Variants in CHI3L2 observed in about 807,000 individuals in gnomAD.
The protein encoded by CHI3L2 is chitinase-3-like protein 2.
CHI3L2 carries 47 observed loss-of-function variants against 47.3 expected under a neutral mutation model. The ratio of observed to expected loss-of-function variants is 0.99; its 90% CI spans 0.79 to 1.27. The LOEUF (loss-of-function observed/expected upper bound fraction) is 1.27, where lower values mean the gene tolerates loss of function less well. Among genes scored for constraint, CHI3L2 ranks in the 50% most tolerant of loss-of-function variants. CHI3L2 has a pLI of 0.00. For synonymous variants in CHI3L2, 198 were observed against 169.9 expected, an observed-to-expected ratio of 1.17 and a Z score of -1.28; for missense variants, 497 against 462.1, an observed-to-expected ratio of 1.08 and a Z score of -0.69.
chr1:111,234,950 A>G lies in CHI3L2; in HGVS notation c.373A>G (p.Ile125Val). The G allele has an allele frequency of 1.2e-6, 2 of 1,614,166 alleles. No individual in the cohort carries two copies. The highest frequency in any genetic ancestry group is 1.7e-6 in the Non-Finnish European group (2 of 1,179,998). ...TTCTTCTACATCACGCTTGGAATTC[A>G]TTAACTCCATAATCCTGTTTCTGAG... ...VDSSTSRLEF[I>V]NSIILFLRNH... is the part of the protein sequence containing the mutation. Residue 125 changes from isoleucine to valine, a missense_variant, in exon 5 of 11, where the codon ATT (isoleucine) becomes GTT (valine). Coordinates refer to ENST00000369748, the MANE Select transcript of CHI3L2 (RefSeq NM_004000.3).
intron 6 of CHI3L2, 61 bp downstream of exon 6, chr1:111,235,824 C>T (rs770700078): frequency 1.6e-5 from 26 of 1,594,628 alleles, no homozygotes; most frequent in Non-Finnish European, 2.1e-5. Flanking sequence ...GCAAATGATG[C>T]ATCAGCATGT....
At chr1:111,228,000 T>C (rs999128799) in intron 1 of CHI3L2, among the ~76,000 whole-genome samples, 5 of 152,128 alleles carry the variant, frequency 3.3e-5, no homozygotes, top group Admixed American at 6.5e-5. Flanking sequence ...ATGTTCTCAG[T>C]TTGTGCAGAG....
At chr1:111,228,593 G>T (rs1296881178) in intron 1 of CHI3L2, among the ~76,000 whole-genome samples, 1 of 152,216 alleles carries the variant, frequency 6.6e-6, no homozygotes, top group Non-Finnish European at 1.5e-5. Context: ...TAGTGAGTGT[G>T]TGGAGAACCA....
At chr1:111,241,186 C>A in intron 8 of CHI3L2, 141 bp from the exon 9 acceptor site, 2 of 714,768 alleles carry the variant, frequency 2.8e-6, no homozygotes, top group African/African-American at 1.7e-5. Context: ...TATATGTGGT[C>A]ATTTCTCTCA....
At chr1:111,233,290 A>G (rs1356855122) in intron 4 of CHI3L2, among the ~76,000 whole-genome samples, 1 of 152,176 alleles carries the variant, frequency 6.6e-6, no homozygotes, top group East Asian at 1.9e-4. Flanking sequence ...TTTGGGGACC[A>G]TGAAGTCACT....
chr1:111,240,132 GA>G (rs34323025), intron 8 of CHI3L2, among the ~76,000 whole-genome samples: 4 of 151,300 alleles, frequency 2.6e-5, no homozygotes, highest in African/African-American at 4.9e-5. Flanking sequence ...ATCAGGTAGA[GA>G]AAAAAAAATA....
chr1:111,233,776 G>T (rs571381449), intron 4 of CHI3L2, among the ~76,000 whole-genome samples: 1 of 152,070 alleles, frequency 6.6e-6, no homozygotes, highest in Non-Finnish European at 1.5e-5. Flanking sequence ...AAAAGATTGA[G>T]AAATCGGATG....
At chr1:111,234,279 A>C (rs1402552579) in intron 4 of CHI3L2, among the ~76,000 whole-genome samples, 1 of 152,204 alleles carries the variant, frequency 6.6e-6, no homozygotes, top group Non-Finnish European at 1.5e-5. Flanking sequence ...AACGGGGAAA[A>C]AGACCTCAGT....
chr1:111,227,729 T>A lies in CHI3L2; in HGVS notation c.-1T>A. 6.2e-7 allele frequency: 1 copy of A among 1,614,074 alleles called. No homozygotes were observed. The highest frequency in any genetic ancestry group is 8.5e-7 in the Non-Finnish European group (1 of 1,179,972). The stretch of plus-strand genomic sequence containing the variant: ...TATCCCAGAAGAAGCTGGCCAAGGA[T>A]ATGGGAGCAACCACCATGGACCAGA... On this transcript the variant is annotated 5_prime_UTR_variant, in exon 1 of 11. Transcript: ENST00000369748.
At position 111,238,784 on chromosome 1, in the gene CHI3L2, TGCCATCAGAGAAGGTG is replaced by T. The variant is rs1293210719; in HGVS notation, c.772_787del (p.Pro258SerfsTer49). The T allele has an allele frequency of 1.9e-6, 3 of 1,613,904 alleles. No individual in the cohort carries two copies. Among genetic ancestry groups the T allele is most frequent in the Non-Finnish European group, 2.5e-6 (3 of 1,179,952 alleles). On this transcript the variant is annotated frameshift_variant, in exon 8 of 11. Coordinates refer to ENST00000369748, the MANE Select transcript of CHI3L2 (RefSeq NM_004000.3). LOFTEE classifies it high-confidence loss of function. ...GTGGGGTACTGGATACATAAGGGAA[TGCCATCAGAGAAGGTG>T]GTCATGGGCATCCCCACATATGGGC... is the stretch of plus-strand genomic sequence containing the variant.
chr1:111,240,141 AT>A (rs891771980), intron 8 of CHI3L2, among the ~76,000 whole-genome samples: 2 of 151,976 alleles, frequency 1.3e-5, no homozygotes, highest in African/African-American at 4.8e-5. Flanking sequence ...AGAAAAAAAA[AT>A]ATCATTCTAT....
Position 111,241,395 on chromosome 1 carries a change from G to A in CHI3L2, c.987G>A (p.Lys329=), listed in dbSNP as rs267597923. 9.3e-6 allele frequency: 15 copies of A among 1,610,260 alleles called. No homozygotes were observed. The Middle Eastern group carries it at 8.2e-4, about 88-fold the overall frequency. Residue 329 remains lysine, a synonymous_variant, in exon 9 of 11, where the codon AAG becomes AAA. Coordinates refer to ENST00000369748, the MANE Select transcript of CHI3L2 (RefSeq NM_004000.3). The part of the protein sequence containing the change: ...LQDQQVPYAV[K]GNQWVGYDDV... ...ATCAGCAGGTTCCCTACGCAGTCAA[G>A]GGGAACCAGTGGGTGGGCTATGATG...
chr1:111,237,106 G>A (rs1163803374), intron 7 of CHI3L2, among the ~76,000 whole-genome samples: 2 of 152,186 alleles, frequency 1.3e-5, no homozygotes, highest in African/African-American at 4.8e-5. Flanking sequence ...GCTGCAATTT[G>A]GGGAGGCTTA....
intron 7 of CHI3L2, 48 bp downstream of exon 7, chr1:111,236,201 C>T: frequency 6.3e-7 from 1 of 1,598,372 alleles, no homozygotes; most frequent in Non-Finnish European, 8.6e-7. Context: ...GGGGGTGGGG[C>T]TGGGGAGAGT....
At chr1:111,242,592 T>C (rs1660094325) in intron 10 of CHI3L2, 1 of 377,200 alleles carries the variant, frequency 2.7e-6, no homozygotes, top group Non-Finnish European at 4.7e-6. Context: ...CTACCATTTA[T>C]TGAGCATAGT....
rs754345490 is a variant in CHI3L2, at chr1:111,241,429, A to C, written c.1021A>C (p.Ser341Arg). 6.3e-7 allele frequency: 1 copy of C among 1,587,748 alleles called. No individual in the cohort carries two copies. The highest frequency in any genetic ancestry group is 8.7e-7 in the Non-Finnish European group (1 of 1,155,828). ...GTGGGTGGGCTATGATGATGTGAAGAGTATGGAGACCAAGGTAGGTGGGCC... is the reference window on the plus strand; with the variant it reads ...GTGGGTGGGCTATGATGATGTGAAGCGTATGGAGACCAAGGTAGGTGGGCC... ...NQWVGYDDVK[S>R]METKVQFLKN... Residue 341 changes from serine to arginine, a missense_variant, in exon 9 of 11, where the codon AGT becomes CGT. Coordinates refer to ENST00000369748, the MANE Select transcript of CHI3L2 (RefSeq NM_004000.3).
At chr1:111,238,097 C>A (rs905658601) in intron 7 of CHI3L2, among the ~76,000 whole-genome samples, 5 of 152,210 alleles carry the variant, frequency 3.3e-5, no homozygotes, top group Non-Finnish European at 2.9e-5. Context: ...CTGGAAGCTG[C>A]AGCTTCTAGT....
intron 4 of CHI3L2, 55 bp downstream of exon 4, chr1:111,231,349 T>G (rs1484203381): frequency 7.6e-7 from 1 of 1,320,882 alleles, no homozygotes; most frequent in Non-Finnish European, 1.1e-6. Context: ...TTGATCATCA[T>G]CATTTTTCCT....
At chr1:111,238,520 C>A (rs1659948995) in intron 7 of CHI3L2, among the ~76,000 whole-genome samples, 1 of 152,218 alleles carries the variant, frequency 6.6e-6, no homozygotes, top group Admixed American at 6.5e-5. Context: ...TTTTGTGATC[C>A]ACTGTCTAGT....
Sources: allele counts gnomAD v4.1 joint callset (sites outside exome capture counted in the v4.1 genomes callset), GRCh38; gene constraint gnomAD v4.1.1; transcripts MANE v1.5; gene names NCBI Gene and HGNC (gene_info 2026-07-23, HGNC 2026-07-21).